XPO6: variants seen among roughly 807,000 people sequenced by gnomAD.
XPO6 encodes exportin-6.
XPO6 carries 3 observed loss-of-function variants against 130.0 expected under a neutral mutation model. The observed-to-expected ratio is 0.02, with a 90% CI of 0.01 to 0.06. The LOEUF is 0.06. XPO6 is among the 10% of genes least tolerant of loss of function. The pLI is 1.00. For synonymous variants in XPO6, 524 were observed against 548.9 expected (o/e 0.95, Z 0.63); for missense variants, 970 against 1,393.0 (o/e 0.70, Z 4.83).
chr16:28,113,590 A>G (rs1239115978), intron 15 of XPO6, among the ~76,000 whole-genome samples: 1 of 152,250 alleles, frequency 6.6e-6, no homozygotes, highest in Non-Finnish European at 1.5e-5. Context: ...TAAGACTAAG[A>G]TAAAAACAGC....
intron 9 of XPO6, among the ~76,000 whole-genome samples, chr16:28,140,841 C>T (rs1284073166): frequency 6.6e-6 from 1 of 151,386 alleles, no homozygotes; most frequent in Non-Finnish European, 1.5e-5. Context: ...ATAGTAGGTG[C>T]TCAATAAAAT....
chr16:28,148,208 A>T (rs2141806645), intron 8 of XPO6, among the ~76,000 whole-genome samples: 1 of 152,330 alleles, frequency 6.6e-6, no homozygotes, highest in South Asian at 2.1e-4. Flanking sequence ...AATTATACAT[A>T]TAAACTTCAT....
intron 1 of XPO6, among the ~76,000 whole-genome samples, chr16:28,186,620 T>C (rs1046385725): frequency 1.3e-5 from 2 of 151,866 alleles, no homozygotes; most frequent in Non-Finnish European, 2.9e-5. Flanking sequence ...TCCTCCCACC[T>C]TGGCCTCCCA....
rs2044028936 is a variant in XPO6 at position 28,206,284 on chromosome 16, T to G, written c.3+5082A>C. On this transcript the variant is annotated intron_variant, in intron 1 of 23. Coordinates refer to ENST00000304658, the MANE Select transcript of XPO6 (RefSeq NM_015171.4). ...GGCCTGGTGTGGTGGCTCGCGCCTG[T>G]GATCCTAGCACTTTGGGAGGCTGAG... Among the ~76,000 whole-genome samples the G allele has an allele frequency of 2.0e-5, 3 of 152,166 alleles. No homozygotes were observed. In the South Asian group the frequency reaches 6.2e-4, roughly 31 times the overall value.
At chr16:28,193,203 T>C (rs1284823182) in intron 1 of XPO6, among the ~76,000 whole-genome samples, 1 of 152,178 alleles carries the variant, frequency 6.6e-6, no homozygotes, top group East Asian at 1.9e-4. Context: ...GCTCTCAAAA[T>C]ATCACTGCCA....
At chr16:28,131,679 A>C (rs1024336743) in intron 12 of XPO6, among the ~76,000 whole-genome samples, 2 of 152,216 alleles carry the variant, frequency 1.3e-5, no homozygotes, top group African/African-American at 4.8e-5. Flanking sequence ...CTTATGTAAA[A>C]CAGGGGTAAC....
At chr16:28,208,262 A>T (rs939721121) in intron 1 of XPO6, among the ~76,000 whole-genome samples, 3 of 152,268 alleles carry the variant, frequency 2.0e-5, no homozygotes. Context: ...AGAGTTGAAG[A>T]TTTAAAAAGA....
chr16:28,122,097 A>C (rs1194652338), intron 13 of XPO6, among the ~76,000 whole-genome samples: 3 of 152,140 alleles, frequency 2.0e-5, no homozygotes, highest in Admixed American at 2.0e-4. Context: ...TGTTTTAAAC[A>C]TGACATGGTT....
chr16:28,140,376 G>A (rs1197209464), intron 9 of XPO6, among the ~76,000 whole-genome samples: 1 of 151,474 alleles, frequency 6.6e-6, no homozygotes, highest in Non-Finnish European at 1.5e-5. Flanking sequence ...AAATTAAAAT[G>A]TAACATTAAA....
At chr16:28,104,394 G>A in intron 21 of XPO6, 152 bp downstream of exon 21, 1 of 1,041,856 alleles carries the variant, frequency 9.6e-7, no homozygotes, top group Non-Finnish European at 1.4e-6. Context: ...TGCAGATGAA[G>A]AAACTGAGGC....
At chr16:28,204,748 T>C (rs913433130) in intron 1 of XPO6, among the ~76,000 whole-genome samples, 1 of 152,180 alleles carries the variant, frequency 6.6e-6, no homozygotes, top group Non-Finnish European at 1.5e-5. Context: ...CACACCTTAG[T>C]GTCCCAGCGG....
rs35910711 is a variant in XPO6, at chr16:28,171,935, C to CT, written c.406-2027dup. Among the ~76,000 whole-genome samples, 1,488 of 152,264 alleles carry CT rather than the reference C, an allele frequency of 9.8e-3. 43 individuals carry two copies. Among genetic ancestry groups the CT allele is most frequent in the Admixed American group, 0.059 (895 of 15,282 alleles). On this transcript the variant is annotated intron_variant, in intron 4 of 23. Transcript: ENST00000304658. ...TCTTTCTCCTCTACCTCTTTTGTCTCTATTTTCCCCTCCAGGCTGCATCCT... is the reference window on the plus strand; with the variant it reads ...TCTTTCTCCTCTACCTCTTTTGTCTCTTATTTTCCCCTCCAGGCTGCATCCT...
chr16:28,197,082 T>C (rs981570257), intron 1 of XPO6, among the ~76,000 whole-genome samples: 1 of 152,060 alleles, frequency 6.6e-6, no homozygotes, highest in African/African-American at 2.4e-5. Flanking sequence ...TGAAACCCCG[T>C]CTCTACTAAA....
chr16:28,197,816 G>A (rs1182233109), intron 1 of XPO6, among the ~76,000 whole-genome samples: 1 of 150,926 alleles, frequency 6.6e-6, no homozygotes, highest in Non-Finnish European at 1.5e-5. Flanking sequence ...CTACTTGGGA[G>A]GCTGAGGCAG....
rs1016862657 is a variant in XPO6 at position 28,151,755 on chromosome 16, C to T, written c.1224+904G>A. On this transcript the variant is annotated intron_variant, in intron 8 of 23. Transcript: ENST00000304658. ...TATTTTAAAAACACACAGCTGGGCA[C>T]GGTAGCTCACGCCTGTAACACTGGC... Among the ~76,000 whole-genome samples, 4 of 152,180 alleles carry T rather than the reference C, an allele frequency of 2.6e-5. No individual in the cohort carries two copies. In the South Asian group the frequency reaches 6.2e-4, roughly 24 times the overall value.
At chr16:28,099,388 C>A (rs2086605706) in intron 23 of XPO6, among the ~76,000 whole-genome samples, 1 of 152,178 alleles carries the variant, frequency 6.6e-6, no homozygotes, top group African/African-American at 2.4e-5. Context: ...CCTGCCCAAC[C>A]ACTATTCCTC....
At chr16:28,182,431 G>A (rs1403186606) in intron 1 of XPO6, among the ~76,000 whole-genome samples, 4 of 152,240 alleles carry the variant, frequency 2.6e-5, no homozygotes, top group Non-Finnish European at 2.9e-5. Context: ...ACAGGGCCAC[G>A]TTCCTCCCAC....
chr16:28,186,393 C>CTTTTTTTTTTT (rs1596952535), intron 1 of XPO6, among the ~76,000 whole-genome samples: 3 of 4,238 alleles, frequency 7.1e-4, no homozygotes, highest in East Asian at 2.9e-3. Context: ...TTTTTTTTTG[C>CTTTTTTTTTTT]TAAAGACATG....
chr16:28,149,058 T>TTA (rs1555527091), intron 8 of XPO6, among the ~76,000 whole-genome samples: 1 of 107,122 alleles, frequency 9.3e-6, no homozygotes, highest in Non-Finnish European at 1.9e-5. Flanking sequence ...AAAAAGAAAA[T>TTA]AAAAAAAAAA....
Sources: allele counts gnomAD v4.1 joint callset (sites outside exome capture counted in the v4.1 genomes callset), GRCh38; gene constraint gnomAD v4.1.1; transcripts MANE v1.5; gene names NCBI Gene and HGNC (gene_info 2026-07-23, HGNC 2026-07-21).